Variants in UNC5D observed in about 807,000 individuals in gnomAD.
UNC5D encodes the protein netrin receptor UNC5D.
In UNC5D, 39 loss-of-function variants were observed where a neutral mutation model predicts 105.4. That is an observed-to-expected ratio of 0.37 (90% CI 0.29 to 0.48). The LOEUF (loss-of-function observed/expected upper bound fraction) is 0.48. Among genes scored for constraint, UNC5D ranks in the 20% least tolerant of loss-of-function variants. The pLI, the probability that UNC5D is intolerant of heterozygous loss-of-function variation, is 0.98. For missense variants in UNC5D, 991 were observed against 1,202.4 expected, an observed-to-expected ratio of 0.82 and a Z score of 2.60; for synonymous variants, 452 against 450.4, an observed-to-expected ratio of 1.00 and a Z score of -0.04.
intron 1 of UNC5D, among the ~76,000 whole-genome samples, chr8:35,486,986 A>G (rs1226454635): frequency 1.3e-5 from 2 of 152,178 alleles, no homozygotes; most frequent in Non-Finnish European, 2.9e-5. Flanking sequence ...AGACAGTGAC[A>G]GAATCCCAGG....
At chr8:35,432,699 A>G (rs1268079058) in intron 1 of UNC5D, among the ~76,000 whole-genome samples, 1 of 152,174 alleles carries the variant, frequency 6.6e-6, no homozygotes, top group Non-Finnish European at 1.5e-5. Flanking sequence ...GTTAAATAAT[A>G]AACCATCTTA....
chr8:35,783,224 C>T (rs1029846634), intron 16 of UNC5D, among the ~76,000 whole-genome samples: 7 of 152,042 alleles, frequency 4.6e-5, no homozygotes, highest in South Asian at 2.1e-4. Context: ...GCTGCCCTCA[C>T]GTCACAGGTA....
chr8:35,323,350 T>A (rs1201745863), intron 1 of UNC5D, among the ~76,000 whole-genome samples: 2 of 152,190 alleles, frequency 1.3e-5, no homozygotes, highest in East Asian at 3.9e-4. Context: ...ATGTTTTAGA[T>A]GTTTTTGTGG....
intron 1 of UNC5D, among the ~76,000 whole-genome samples, chr8:35,443,425 A>G (rs1327884872): frequency 6.6e-6 from 1 of 151,786 alleles, no homozygotes; most frequent in Non-Finnish European, 1.5e-5. Context: ...GTTGTGAAAC[A>G]GTGAGAGGAG....
intron 1 of UNC5D, among the ~76,000 whole-genome samples, chr8:35,534,710 T>C (rs1261001175): frequency 6.6e-6 from 1 of 151,960 alleles, no homozygotes; most frequent in African/African-American, 2.4e-5. Context: ...TTTTCTCTAA[T>C]TTAATATTTG....
intron 4 of UNC5D, among the ~76,000 whole-genome samples, chr8:35,605,935 T>C (rs1820261689): frequency 6.6e-6 from 1 of 152,108 alleles, no homozygotes; most frequent in African/African-American, 2.4e-5. Flanking sequence ...AAAGTTGAAG[T>C]ACTACATAAA....
In UNC5D at chr8:35,759,265, T is replaced by C. The variant is rs1830650445; in HGVS notation, c.2164-55T>C. 9 of 1,594,824 alleles carry C rather than the reference T, an allele frequency of 5.6e-6. No individual in the cohort carries two copies. The South Asian group carries it at 7.8e-5, about 14-fold the overall frequency. On this transcript the variant is annotated intron_variant, in intron 13 of 16. Transcript: ENST00000404895. ...CATGTGTATCCCTAGATAGGAAATA[T>C]GTAAGTAGCAGGATATTTCATTATT... is the stretch of plus-strand genomic sequence containing the variant.
chr8:35,578,287 AG>A, intron 3 of UNC5D, among the ~76,000 whole-genome samples: 1 of 150,848 alleles, frequency 6.6e-6, no homozygotes, highest in South Asian at 2.1e-4. Context: ...AAAAAGAAAG[AG>A]AAAAGAAAAA....
At chr8:35,388,474 G>A (rs768647544) in intron 1 of UNC5D, among the ~76,000 whole-genome samples, 1 of 152,154 alleles carries the variant, frequency 6.6e-6, no homozygotes, top group Non-Finnish European at 1.5e-5. Context: ...TGTTCAACAT[G>A]TAGTTATCAA....
At chr8:35,505,763 C>G (rs1006936588) in intron 1 of UNC5D, among the ~76,000 whole-genome samples, 21 of 152,180 alleles carry the variant, frequency 1.4e-4, no homozygotes, top group Admixed American at 1.0e-3. Flanking sequence ...AAGCCTATTT[C>G]CCCGCTTTGA....
intron 1 of UNC5D, among the ~76,000 whole-genome samples, chr8:35,543,296 A>C (rs1815401025): frequency 6.7e-6 from 1 of 150,328 alleles, no homozygotes; most frequent in South Asian, 2.1e-4. Flanking sequence ...ATGTCCTCTC[A>C]AGAAAAAAGT....
intron 1 of UNC5D, among the ~76,000 whole-genome samples, chr8:35,538,555 G>A (rs1056860278): frequency 7.3e-5 from 11 of 151,326 alleles, no homozygotes; most frequent in South Asian, 2.1e-4. Flanking sequence ...GTGTGTAGGA[G>A]GGATTAAAGG....
At chr8:35,312,199 A>G (rs1808944190) in intron 1 of UNC5D, among the ~76,000 whole-genome samples, 1 of 152,180 alleles carries the variant, frequency 6.6e-6, no homozygotes, top group Non-Finnish European at 1.5e-5. Flanking sequence ...CTGAAAACAC[A>G]TCTTGTGGCA....
At chr8:35,236,231 C>G (rs1802450183) in intron 1 of UNC5D, among the ~76,000 whole-genome samples, 1 of 152,234 alleles carries the variant, frequency 6.6e-6, no homozygotes, top group African/African-American at 2.4e-5. Context: ...TCCACTTCCT[C>G]TCAAGCCGAG....
chr8:35,436,019 T>G (rs143138306), intron 1 of UNC5D, among the ~76,000 whole-genome samples: 2,260 of 152,194 alleles, frequency 0.015, 67 homozygotes, highest in African/African-American at 0.052. Context: ...ATATTAAAAG[T>G]GATTCTTAAA....
At chr8:35,507,450 A>G (rs2130313658) in intron 1 of UNC5D, among the ~76,000 whole-genome samples, 1 of 152,266 alleles carries the variant, frequency 6.6e-6, no homozygotes, top group South Asian at 2.1e-4. Context: ...TTTACCCTGT[A>G]AGTAAGAATC....
intron 1 of UNC5D, among the ~76,000 whole-genome samples, chr8:35,456,258 T>C (rs1215546179): frequency 1.3e-5 from 2 of 152,182 alleles, no homozygotes; most frequent in Non-Finnish European, 2.9e-5. Context: ...TGGCTAGTGG[T>C]TGTCAAATTT....
chr8:35,740,274 T>C (rs1389149725), intron 11 of UNC5D, among the ~76,000 whole-genome samples: 1 of 152,202 alleles, frequency 6.6e-6, no homozygotes, highest in Non-Finnish European at 1.5e-5. Context: ...GAGATTATCC[T>C]GGACTCTCCA....
rs532211706 is a variant in UNC5D, at chr8:35,599,782, A to G, written c.570+4125A>G. On this transcript the variant is annotated intron_variant, in intron 4 of 16. Transcript: ENST00000404895. ...ACTCAATCACTAGTCCTACAACTAA[A>G]GAAATAAAAATATATTTTCTTTTTT... Among the ~76,000 whole-genome samples, 262 of 152,294 alleles carry G rather than the reference A, an allele frequency of 1.7e-3. 4 individuals are homozygous for G. The highest frequency in any genetic ancestry group is 6.0e-3 in the African/African-American group (249 of 41,580).
Sources: allele counts gnomAD v4.1 joint callset (sites outside exome capture counted in the v4.1 genomes callset), GRCh38; gene constraint gnomAD v4.1.1; transcripts MANE v1.5; gene names NCBI Gene and HGNC (gene_info 2026-07-23, HGNC 2026-07-21).